The following STAG1 variants were observed in gnomAD, a reference collection of about 807,000 sequenced individuals.
The protein encoded by STAG1 is cohesin subunit SA-1.
A neutral mutation model predicts 170.9 loss-of-function variants in STAG1; 26 were observed. That is an observed-to-expected ratio of 0.15 (90% CI 0.11 to 0.21). The LOEUF (loss-of-function observed/expected upper bound fraction) is 0.21, where lower values mean the gene tolerates loss of function less well. STAG1 is among the 10% of genes least tolerant of loss of function. The probability of loss-of-function intolerance (pLI) is 1.00; values close to 1 mark genes in which losing one functional copy is unlikely to be tolerated. For missense variants in STAG1, 964 were observed against 1,509.5 expected (o/e 0.64, Z 5.99); for synonymous variants, 514 against 497.7 (o/e 1.03, Z -0.44).
intron 3 of STAG1, among the ~76,000 whole-genome samples, chr3:136,611,368 C>T (rs1312616256): frequency 1.3e-5 from 2 of 152,074 alleles, no homozygotes; most frequent in Admixed American, 6.6e-5. Flanking sequence ...AGGCTGGTCT[C>T]GAACTCCCGA....
At chr3:136,496,929 A>G in intron 9 of STAG1, among the ~76,000 whole-genome samples, 1 of 152,036 alleles carries the variant, frequency 6.6e-6, no homozygotes, top group East Asian at 1.9e-4. Flanking sequence ...AGAGAGGGAG[A>G]GAGAGAGAGA....
At chr3:136,432,613 T>G (rs1190658893) in intron 16 of STAG1, among the ~76,000 whole-genome samples, 1 of 152,000 alleles carries the variant, frequency 6.6e-6, no homozygotes, top group Non-Finnish European at 1.5e-5. Flanking sequence ...TTCAAGTGAT[T>G]CTCCTGCTTC....
chr3:136,652,351 C>A (rs755036940), intron 1 of STAG1, among the ~76,000 whole-genome samples: 17 of 152,120 alleles, frequency 1.1e-4, no homozygotes, highest in Non-Finnish European at 1.9e-4. Flanking sequence ...TTTTTTTGAT[C>A]AACAATGAAG....
intron 21 of STAG1, among the ~76,000 whole-genome samples, chr3:136,414,397 T>C (rs1372938792): frequency 3.9e-5 from 6 of 152,220 alleles, no homozygotes; most frequent in Non-Finnish European, 8.8e-5. Flanking sequence ...ACCATCTCTT[T>C]CATTGCTCAT....
chr3:136,623,025 T>C (rs1402987543), intron 3 of STAG1, 121 bp downstream of exon 3: 1 of 765,118 alleles, frequency 1.3e-6, no homozygotes, highest in Non-Finnish European at 2.1e-6. Flanking sequence ...GTTTCCAATC[T>C]CTATTGTGTC....
chr3:136,347,227 C>G (rs35767900), intron 29 of STAG1, among the ~76,000 whole-genome samples: 1 of 151,526 alleles, frequency 6.6e-6, no homozygotes, highest in Non-Finnish European at 1.5e-5. Context: ...GAACCCCTAT[C>G]TCTACTAAAA....
chr3:136,408,618 T>TA (rs1053820804), intron 21 of STAG1, among the ~76,000 whole-genome samples: 2 of 152,090 alleles, frequency 1.3e-5, no homozygotes, highest in African/African-American at 4.8e-5. Flanking sequence ...GTAGAATTTA[T>TA]AAAAAACAAT....
intron 6 of STAG1, among the ~76,000 whole-genome samples, chr3:136,525,762 T>A (rs546639042): frequency 2.0e-5 from 3 of 152,372 alleles, no homozygotes; most frequent in East Asian, 1.9e-4. Flanking sequence ...TACACACTGC[T>A]TTAAATGTGT....
At chr3:136,388,843 C>T (rs1339012578) in intron 22 of STAG1, among the ~76,000 whole-genome samples, 1 of 152,132 alleles carries the variant, frequency 6.6e-6, no homozygotes, top group African/African-American at 2.4e-5. Context: ...TTCTTTTTTA[C>T]TCAAATAAAT....
At chr3:136,581,826 T>A (rs1368773989) in intron 4 of STAG1, among the ~76,000 whole-genome samples, 1 of 152,126 alleles carries the variant, frequency 6.6e-6, no homozygotes, top group Non-Finnish European at 1.5e-5. Context: ...TCAAGGAATA[T>A]CAACAGTGGA....
intron 5 of STAG1, among the ~76,000 whole-genome samples, chr3:136,561,893 C>G (rs1017450353): frequency 6.6e-6 from 1 of 151,072 alleles, no homozygotes; most frequent in Middle Eastern, 3.2e-3. Flanking sequence ...CAAAGAACTT[C>G]TGAATACCTT....
intron 5 of STAG1, among the ~76,000 whole-genome samples, chr3:136,547,211 T>C (rs1576593092): frequency 6.6e-6 from 1 of 152,188 alleles, no homozygotes; most frequent in African/African-American, 2.4e-5. Context: ...ACACATCAGA[T>C]TCAGTATCCC....
rs552925535 is a variant in STAG1 at position 136,478,051 on chromosome 3, A to C, written c.903-639T>G. On this transcript the variant is annotated intron_variant, in intron 9 of 33. Transcript: ENST00000383202. ...GTGATCCACCCACCTCGGCCTCCCA[A>C]AGTGCTGGGATTACACGCGTGAGCC... is the stretch of plus-strand genomic sequence containing the variant. Among the ~76,000 whole-genome samples the C allele has an allele frequency of 2.0e-5, 3 of 152,242 alleles. No homozygotes were observed. The South Asian group carries it at 6.2e-4, about 32-fold the overall frequency.
chr3:136,559,392 T>TA (rs546455530), intron 5 of STAG1, among the ~76,000 whole-genome samples: 7 of 151,588 alleles, frequency 4.6e-5, no homozygotes, highest in Non-Finnish European at 8.8e-5. Flanking sequence ...AAATAACAAT[T>TA]AAAAAAAAGC....
At chr3:136,712,814 G>A (rs879583301) in intron 1 of STAG1, among the ~76,000 whole-genome samples, 3 of 152,230 alleles carry the variant, frequency 2.0e-5, no homozygotes, top group Non-Finnish European at 4.4e-5. Flanking sequence ...TATGAGGCCG[G>A]GCACGGTGGC....
chr3:136,597,764 T>C (rs940661321), intron 4 of STAG1, among the ~76,000 whole-genome samples: 1 of 151,976 alleles, frequency 6.6e-6, no homozygotes, highest in African/African-American at 2.4e-5. Flanking sequence ...TACTTTTGCA[T>C]CTTCATCTTC....
chr3:136,499,281 T>C (rs1283700862), intron 9 of STAG1, among the ~76,000 whole-genome samples: 1 of 152,028 alleles, frequency 6.6e-6, no homozygotes, highest in Non-Finnish European at 1.5e-5. Context: ...GACCCTCTGG[T>C]TCAGGCAATC....
chr3:136,442,939 T>C (rs527811079), intron 15 of STAG1, among the ~76,000 whole-genome samples: 101 of 152,252 alleles, frequency 6.6e-4, no homozygotes, highest in African/African-American at 2.2e-3. Context: ...AGCCCAGTAG[T>C]TCAAGGCTGC....
rs1037921411 is a variant in STAG1 at position 136,471,075 on chromosome 3, T to C, written c.1205+1338A>G. Among the ~76,000 whole-genome samples the C allele has an allele frequency of 2.5e-4, 37 of 150,982 alleles. 1 individual carries two copies. The highest frequency in any genetic ancestry group is 9.0e-4 in the African/African-American group (37 of 40,980). Reference sequence around the variant, plus strand: ...CACCAACACGGCACATGTATACATATGTAACAAAGCTGCACATTGTGCACA... The same window carrying C: ...CACCAACACGGCACATGTATACATACGTAACAAAGCTGCACATTGTGCACA... On this transcript the variant is annotated intron_variant, in intron 12 of 33. Coordinates refer to ENST00000383202, the MANE Select transcript of STAG1 (RefSeq NM_005862.3).
Sources: gnomAD v4.1 joint callset for allele counts (sites outside exome capture counted in the v4.1 genomes callset) on GRCh38, gnomAD v4.1.1 for gene constraint, MANE v1.5 for transcripts, NCBI Gene and HGNC (gene_info 2026-07-23, HGNC 2026-07-21) for gene names.